CMIP: variants seen among roughly 807,000 people sequenced by gnomAD.
CMIP encodes the protein c-Maf inducing protein.
Under a neutral mutation model 97.3 loss-of-function variants are expected in CMIP, and 13 were observed. The observed-to-expected ratio is 0.13, with a 90% CI of 0.09 to 0.21. CMIP has a LOEUF of 0.21. CMIP is among the 10% of genes least tolerant of loss of function. The pLI is 1.00. For synonymous variants in CMIP, 538 were observed against 436.3 expected (o/e 1.23, Z -2.91); for missense variants, 847 against 1,024.9 (o/e 0.83, Z 2.37).
At chr16:81,697,632 G>C (rs1460122277) in intron 14 of CMIP, 6 of 152,258 alleles carry the variant, frequency 3.9e-5, no homozygotes. Context: ...GCATGCAACA[G>C]TAGATGCACG....
intron 20 of CMIP, among the ~76,000 whole-genome samples, chr16:81,709,192 C>G (rs1908484288): frequency 6.6e-6 from 1 of 152,174 alleles, no homozygotes; most frequent in African/African-American, 2.4e-5. Context: ...AAGCCAAACC[C>G]TGGGTACCTG....
chr16:81,669,021 C>A (rs1301017291), intron 7 of CMIP, among the ~76,000 whole-genome samples: 1 of 144,332 alleles, frequency 6.9e-6, no homozygotes. Flanking sequence ...ACCTCACACT[C>A]CTCCTTCCAC....
chr16:81,676,336 T>C (rs2151052013), intron 9 of CMIP, among the ~76,000 whole-genome samples: 1 of 151,208 alleles, frequency 6.6e-6, no homozygotes, highest in African/African-American at 2.4e-5. Flanking sequence ...CCCTTCAAGA[T>C]AAAGTCCGTC....
At chr16:81,709,601 C>T (rs1908534539) in intron 20 of CMIP, 145 bp from the exon 21 acceptor site, 2 of 844,662 alleles carry the variant, frequency 2.4e-6, no homozygotes, top group Admixed American at 2.4e-5. Context: ...CCACCCACCC[C>T]TCCAAGAGCC....
chr16:81,669,673 T>A (rs1231710910), intron 7 of CMIP, among the ~76,000 whole-genome samples: 7 of 87,942 alleles, frequency 8.0e-5, no homozygotes, highest in African/African-American at 3.4e-4. Flanking sequence ...CACCTCACAC[T>A]CACCTCCTTC....
At chr16:81,599,655 A>G (rs925022368) in intron 1 of CMIP, among the ~76,000 whole-genome samples, 6 of 152,146 alleles carry the variant, frequency 3.9e-5, no homozygotes, top group Non-Finnish European at 7.4e-5. Flanking sequence ...AATTTGGCAT[A>G]ACAGAGGGAT....
chr16:81,463,574 G>T lies in CMIP; in HGVS notation c.300+18033G>T, dbSNP rs529039642. On this transcript the variant is annotated intron_variant, in intron 1 of 20. Transcript: ENST00000537098. ...AGGATTTTGTAGGACGATTCAAGCC[G>T]GCTCTCTGCCCAGCTGGGTACCGAT... 2.0e-5 allele frequency among the ~76,000 whole-genome samples: 3 copies of T among 152,282 alleles called. No individual in the cohort carries two copies. The East Asian group carries it at 5.8e-4, about 29-fold the overall frequency.
chr16:81,588,928 G>A (rs1363987540), intron 1 of CMIP, among the ~76,000 whole-genome samples: 2 of 152,074 alleles, frequency 1.3e-5, no homozygotes, highest in Non-Finnish European at 1.5e-5. Context: ...TCTCTAGCTG[G>A]GAGTCTCACA....
Position 81,627,379 on chromosome 16 carries a change from G to A in CMIP, c.477+6453G>A, listed in dbSNP as rs1003439822. ...GTGAGGATCGAAGGCTGTGTTGTTT[G>A]TGCAGCAGGCAGAAGGGATCCTGGT... On this transcript the variant is annotated intron_variant, in intron 3 of 20. Transcript: ENST00000537098. This position sits in a 1 kb window ranked among gnomAD's most constrained non-coding sequence, Gnocchi z 4.6. Among the ~76,000 whole-genome samples, 4 of 152,026 alleles carry A rather than the reference G, an allele frequency of 2.6e-5. No homozygotes were observed. In the South Asian group the frequency reaches 6.2e-4, roughly 24 times the overall value.
chr16:81,448,927 G>C (rs1174586011), intron 1 of CMIP, among the ~76,000 whole-genome samples: 1 of 152,218 alleles, frequency 6.6e-6, no homozygotes, highest in Non-Finnish European at 1.5e-5. Context: ...GCTCTTCATG[G>C]CTGGTGATGG....
Position 81,709,331 on chromosome 16 carries a change from G to A in CMIP, c.2269-415G>A, listed in dbSNP as rs184390702. ...CGGTGCCCTGGGCTTTCTACATTTGGTATTTAACCCCTAGCACCATCCTTT... is the reference window on the plus strand; with the variant it reads ...CGGTGCCCTGGGCTTTCTACATTTGATATTTAACCCCTAGCACCATCCTTT... On this transcript the variant is annotated intron_variant, in intron 20 of 20. Transcript: ENST00000537098. 4.3e-3 allele frequency among the ~76,000 whole-genome samples: 653 copies of A among 152,280 alleles called. 3 individuals are homozygous for A. Among genetic ancestry groups the A allele is most frequent in the Non-Finnish European group, 7.7e-3 (521 of 68,006 alleles).
intron 1 of CMIP, among the ~76,000 whole-genome samples, chr16:81,466,222 A>G (rs1206956109): frequency 1.3e-5 from 2 of 151,994 alleles, no homozygotes; most frequent in Non-Finnish European, 2.9e-5. Context: ...CACCACATCC[A>G]GCTAATTTTT....
intron 1 of CMIP, among the ~76,000 whole-genome samples, chr16:81,514,928 G>A (rs1028945160): frequency 1.3e-5 from 2 of 152,194 alleles, no homozygotes; most frequent in Non-Finnish European, 2.9e-5. Flanking sequence ...GTGGGGCGCT[G>A]GGGTCCAGTA....
At chr16:81,595,863 G>A (rs1344335380) in intron 1 of CMIP, among the ~76,000 whole-genome samples, 4 of 152,062 alleles carry the variant, frequency 2.6e-5, no homozygotes, top group Non-Finnish European at 4.4e-5. Flanking sequence ...GCATGTTTTT[G>A]TGTGAACCTA....
At chr16:81,690,799 G>A (rs550709189) in intron 10 of CMIP, among the ~76,000 whole-genome samples, 2 of 152,200 alleles carry the variant, frequency 1.3e-5, no homozygotes, top group Non-Finnish European at 2.9e-5. Context: ...AGTGGCGCAC[G>A]CCTATAATCC....
At chr16:81,542,845 C>T (rs1360039825) in intron 1 of CMIP, among the ~76,000 whole-genome samples, 3 of 152,176 alleles carry the variant, frequency 2.0e-5, no homozygotes, top group African/African-American at 2.4e-5. Flanking sequence ...ATTGCAGGGT[C>T]GGGGGTTCAA....
chr16:81,603,337 C>G (rs188198081), intron 1 of CMIP: 1 of 453,100 alleles, frequency 2.2e-6, no homozygotes, highest in Non-Finnish European at 4.4e-6. Flanking sequence ...CCACCTTGGC[C>G]TCCCAAAGTG....
chr16:81,614,421 A>T lies in CMIP; in HGVS notation c.427-6455A>T, dbSNP rs1215248625. ...GCGGGCCACGGGTCACTTCAGCATG[A>T]CATCAGCTCGTTGCATTGGCCTGTG... On this transcript the variant is annotated intron_variant, in intron 2 of 20. Coordinates refer to ENST00000537098, the MANE Select transcript of CMIP (RefSeq NM_198390.3). This position sits in a 1 kb window ranked among gnomAD's most constrained non-coding sequence, Gnocchi z 5.3. Among the ~76,000 whole-genome samples the T allele has an allele frequency of 6.6e-6, 1 of 152,196 alleles. No individual in the cohort carries two copies. The highest frequency in any genetic ancestry group is 1.5e-5 in the Non-Finnish European group (1 of 68,032).
chr16:81,474,614 G>A (rs1313388522), intron 1 of CMIP, among the ~76,000 whole-genome samples: 1 of 152,186 alleles, frequency 6.6e-6, no homozygotes. Flanking sequence ...CTTACTGTGT[G>A]GTCTCTTCCG....
Sources: allele counts gnomAD v4.1 joint callset (sites outside exome capture counted in the v4.1 genomes callset), GRCh38; gene constraint gnomAD v4.1.1; non-coding constraint Gnocchi (gnomAD v3.1); transcripts MANE v1.5; gene names NCBI Gene and HGNC (gene_info 2026-07-23, HGNC 2026-07-21).